Variants in PCDHA7 observed in about 807,000 individuals in gnomAD.
PCDHA7 encodes protocadherin alpha-7.
A neutral mutation model predicts 57.2 loss-of-function variants in PCDHA7; 37 were observed. The observed-to-expected ratio is 0.65, with a 90% CI of 0.50 to 0.85. PCDHA7 has a LOEUF of 0.85. PCDHA7 is among the 40% of genes least tolerant of loss of function. The pLI, the probability that PCDHA7 is intolerant of heterozygous loss-of-function variation, is 0.00. For synonymous variants in PCDHA7, 553 were observed against 558.8 expected, an observed-to-expected ratio of 0.99 and a Z score of 0.15; for missense variants, 1,188 against 1,241.8, an observed-to-expected ratio of 0.96 and a Z score of 0.65.
At chr5:140,839,904 A>G (rs2150301613) in intron 1 of PCDHA7, among the ~76,000 whole-genome samples, 18 of 152,076 alleles carry the variant, frequency 1.2e-4, no homozygotes, top group African/African-American at 4.3e-4. Context: ...AAGATGAAGT[A>G]ATAGAAGAAA....
chr5:140,842,975 C>T (rs1554139598), intron 1 of PCDHA7: 3 of 1,594,992 alleles, frequency 1.9e-6, no homozygotes, highest in Non-Finnish European at 2.6e-6. Context: ...CGTGACGCTG[C>T]AGGTGTTCGT....
intron 3 of PCDHA7, among the ~76,000 whole-genome samples, chr5:141,007,961 C>G (rs1554261577): frequency 6.6e-6 from 1 of 152,176 alleles, no homozygotes; most frequent in East Asian, 1.9e-4. Flanking sequence ...TGCTCATTCT[C>G]TGGGTGTCTG....
chr5:140,909,214 T>C (rs1394994856), intron 1 of PCDHA7, among the ~76,000 whole-genome samples: 2 of 152,232 alleles, frequency 1.3e-5, no homozygotes, highest in African/African-American at 2.4e-5. Context: ...AGAGTTGATA[T>C]ACCCCTGAGG....
intron 1 of PCDHA7, among the ~76,000 whole-genome samples, chr5:140,894,199 GC>G (rs2064359112): frequency 6.6e-6 from 1 of 151,732 alleles, no homozygotes; most frequent in Admixed American, 6.6e-5. Context: ...TTTTTTCTAT[GC>G]TATTATATTC....
At chr5:140,848,904 CAAA>C in intron 1 of PCDHA7, 1 of 1,608,060 alleles carries the variant, frequency 6.2e-7, no homozygotes, top group Non-Finnish European at 8.5e-7. Context: ...CCCAGCGACA[CAAA>C]AGAATCTGTT....
At chr5:140,868,965 G>A (rs2050767308) in intron 1 of PCDHA7, 1 of 1,430,146 alleles carries the variant, frequency 7.0e-7, no homozygotes, top group Non-Finnish European at 9.4e-7. Flanking sequence ...CCATACAAAG[G>A]AACTCCATCA....
At chr5:140,994,561 C>T (rs967006511) in intron 3 of PCDHA7, among the ~76,000 whole-genome samples, 2 of 151,800 alleles carry the variant, frequency 1.3e-5, no homozygotes, top group East Asian at 1.9e-4. Context: ...AAAAATTAGC[C>T]GGGTGTGGTG....
At chr5:140,979,159 T>C in intron 2 of PCDHA7, 152 bp downstream of exon 2, 4 of 1,426,630 alleles carry the variant, frequency 2.8e-6, no homozygotes, top group Non-Finnish European at 3.7e-6. Flanking sequence ...CCATGTTTAT[T>C]CCTTGAAAGA....
chr5:140,948,189 G>A (rs1032631604), intron 1 of PCDHA7, among the ~76,000 whole-genome samples: 4 of 151,532 alleles, frequency 2.6e-5, no homozygotes, highest in African/African-American at 9.7e-5. Context: ...ATCCCACTTA[G>A]TCATGATATA....
intron 1 of PCDHA7, chr5:140,857,672 C>T: frequency 2.5e-6 from 4 of 1,596,908 alleles, no homozygotes; most frequent in Middle Eastern, 3.8e-4. Context: ...TGGGGGCGTG[C>T]CGCCTCTGGG....
At chr5:140,904,199 C>A (rs2070936424) in intron 1 of PCDHA7, among the ~76,000 whole-genome samples, 1 of 151,944 alleles carries the variant, frequency 6.6e-6, no homozygotes, top group Non-Finnish European at 1.5e-5. Flanking sequence ...CCCTTTCCCC[C>A]TAAGTCCCCA....
At chr5:140,841,678 G>T (rs1451404263) in intron 1 of PCDHA7, 5 of 1,613,862 alleles carry the variant, frequency 3.1e-6, no homozygotes, top group Middle Eastern at 1.6e-4. Flanking sequence ...TTTTCCATGT[G>T]GACGTGGAGG....
rs1554139478 is a variant in PCDHA7 at position 140,842,864 on chromosome 5, G to A, written c.2355+6126G>A. The stretch of plus-strand genomic sequence containing the variant: ...CTACATTTCGGTGCACACGGAGAGC[G>A]GCAAGGTGTACGCGCTGCAGCCGCT... On this transcript the variant is annotated intron_variant, in intron 1 of 3. Transcript: ENST00000525929. 2.5e-6 allele frequency: 4 copies of A among 1,594,034 alleles called. 1 individual carries two copies. Among genetic ancestry groups the A allele is most frequent in the Middle Eastern group, 2.1e-4 (1 of 4,754 alleles).
At chr5:140,870,627 G>A (rs782093554) in intron 1 of PCDHA7, 17 of 1,612,908 alleles carry the variant, frequency 1.1e-5, no homozygotes, top group Middle Eastern at 1.7e-4. Flanking sequence ...GCTACGTGTC[G>A]GTGCACGCGG....
At chr5:140,997,335 A>G (rs2097768018) in intron 3 of PCDHA7, among the ~76,000 whole-genome samples, 1 of 152,230 alleles carries the variant, frequency 6.6e-6, no homozygotes, top group African/African-American at 2.4e-5. Context: ...TTCGTTGTAC[A>G]AATATCATAG....
At chr5:140,986,738 G>T (rs1483741648) in intron 3 of PCDHA7, among the ~76,000 whole-genome samples, 1 of 152,168 alleles carries the variant, frequency 6.6e-6, no homozygotes, top group Admixed American at 6.5e-5. Flanking sequence ...AAGACCCCAG[G>T]GGATCTGGGA....
At chr5:140,945,527 C>A (rs1268496424) in intron 1 of PCDHA7, among the ~76,000 whole-genome samples, 2 of 151,828 alleles carry the variant, frequency 1.3e-5, no homozygotes, top group African/African-American at 4.8e-5. Context: ...ATAAATAAAA[C>A]AAAACATACA....
At chr5:140,963,608 G>A (rs1308315109) in intron 1 of PCDHA7, among the ~76,000 whole-genome samples, 2 of 152,186 alleles carry the variant, frequency 1.3e-5, no homozygotes, top group African/African-American at 2.4e-5. Context: ...ACGTAATTGG[G>A]AAAGCTTAAC....
intron 1 of PCDHA7, among the ~76,000 whole-genome samples, chr5:140,910,422 C>T (rs1184807086): frequency 6.6e-6 from 1 of 152,148 alleles, no homozygotes; most frequent in Non-Finnish European, 1.5e-5. Flanking sequence ...TCCAATTATT[C>T]CCATTGCATT....
Sources: gnomAD v4.1 joint callset for allele counts (sites outside exome capture counted in the v4.1 genomes callset) on GRCh38, gnomAD v4.1.1 for gene constraint, MANE v1.5 for transcripts, NCBI Gene and HGNC (gene_info 2026-07-23, HGNC 2026-07-21) for gene names.